FUBP1: variants seen among roughly 807,000 people sequenced by gnomAD.
FUBP1 encodes far upstream element-binding protein 1.
In FUBP1, 16 loss-of-function variants were observed where a neutral mutation model predicts 94.9. The observed-to-expected ratio is 0.17, with a 90% CI of 0.11 to 0.26. The LOEUF (loss-of-function observed/expected upper bound fraction) is 0.26. Among genes scored for constraint, FUBP1 ranks in the 10% least tolerant of loss-of-function variants. The pLI, the probability that FUBP1 is intolerant of heterozygous loss-of-function variation, is 1.00. For missense variants in FUBP1, 583 were observed against 808.6 expected (o/e 0.72, Z 3.38); for synonymous variants, 279 against 254.9 (o/e 1.09, Z -0.90).
rs1350399541 is a variant in FUBP1, at chr1:77,948,364, T to C, written c.*402A>G. On this transcript the variant is annotated 3_prime_UTR_variant, in exon 20 of 20. Coordinates refer to ENST00000370768, the MANE Select transcript of FUBP1 (RefSeq NM_003902.5). ...TTAATTTATCATTGCTAAGAAATTA[T>C]GAATCCTTTAAATACCCACATATCC... is the stretch of plus-strand genomic sequence containing the variant. 8 of 1,057,898 alleles carry C rather than the reference T, an allele frequency of 7.6e-6. No individual in the cohort carries two copies. Among genetic ancestry groups the C allele is most frequent in the Non-Finnish European group, 8.0e-6 (7 of 870,612 alleles). The allele number at this position is 1,057,898 out of a possible 1,614,324, so 65.5% of individuals were successfully genotyped here. A position where few individuals can be genotyped will look rare whatever the true frequency, so the allele number is the denominator to read the frequency against.
rs1571204636 is a variant in FUBP1 at position 77,947,915 on chromosome 1, T to C, written c.*851A>G. Reference sequence around the variant, plus strand: ...AAGAAACACACTAACATTATATACATTGAAAGAGTTGCTTCACATGGAAAA... The same window carrying C: ...AAGAAACACACTAACATTATATACACTGAAAGAGTTGCTTCACATGGAAAA... On this transcript the variant is annotated 3_prime_UTR_variant, in exon 20 of 20. Coordinates refer to ENST00000370768, the MANE Select transcript of FUBP1 (RefSeq NM_003902.5). 2.0e-6 allele frequency: 2 copies of C among 981,028 alleles called. No homozygotes were observed. The highest frequency in any genetic ancestry group is 4.0e-5 in the South Asian group (1 of 24,976). 60.8% of individuals were successfully genotyped at this position (981,028 alleles called of 1,614,324 possible).
intron 16 of FUBP1, among the ~76,000 whole-genome samples, chr1:77,957,433 C>T (rs1332615868): frequency 1.3e-5 from 2 of 152,156 alleles, no homozygotes; most frequent in African/African-American, 2.4e-5. Context: ...TCACTATGCC[C>T]GTGTCTCGGC....
chr1:77,961,591 G>A (rs1655491042), intron 14 of FUBP1, among the ~76,000 whole-genome samples: 1 of 152,294 alleles, frequency 6.6e-6, no homozygotes, highest in Non-Finnish European at 1.5e-5. Context: ...AGAAAAGCCT[G>A]AGTAACTTCT....
Position 77,978,876 on chromosome 1 carries a change from C to T in FUBP1, c.120+9G>A, listed in dbSNP as rs2102561554. On this transcript the variant is annotated intron_variant, in intron 1 of 19. Transcript: ENST00000370768. Reference sequence around the variant, plus strand: ...GCTTTCGGGATTCCGCCGCGCGGTCCACACTTACCTGCCGGGCTCTCTGCA... The same window carrying T: ...GCTTTCGGGATTCCGCCGCGCGGTCTACACTTACCTGCCGGGCTCTCTGCA... The T allele has an allele frequency of 6.2e-7, 1 of 1,613,480 alleles. No individual in the cohort carries two copies. The highest frequency in any genetic ancestry group is 1.1e-5 in the South Asian group (1 of 91,014).
chr1:77,967,415 G>A (rs1448244375), intron 4 of FUBP1, among the ~76,000 whole-genome samples: 4 of 152,172 alleles, frequency 2.6e-5, no homozygotes, highest in Non-Finnish European at 4.4e-5. Context: ...CTTCTAAAAT[G>A]TGGTTAATTC....
At chr1:77,967,606 T>C (rs1292043576) in intron 4 of FUBP1, 21 bp downstream of exon 4, 3 of 1,577,982 alleles carry the variant, frequency 1.9e-6, no homozygotes, top group African/African-American at 2.7e-5. Flanking sequence ...AGAGTACTTT[T>C]TGAAAATCTT....
intron 18 of FUBP1, among the ~76,000 whole-genome samples, chr1:77,953,917 T>C (rs1241049248): frequency 6.6e-6 from 1 of 152,178 alleles, no homozygotes; most frequent in African/African-American, 2.4e-5. Flanking sequence ...AGCCTTTATT[T>C]TTACCTACTT....
In FUBP1 at chr1:77,964,373, T is replaced by A; in HGVS notation, c.838-17A>T. 1 of 1,434,882 alleles carries A rather than the reference T, an allele frequency of 7.0e-7. No individual in the cohort carries two copies. Among genetic ancestry groups the A allele is most frequent in the Non-Finnish European group, 9.7e-7 (1 of 1,028,672 alleles). 88.9% of individuals were successfully genotyped at this position (1,434,882 alleles called of 1,614,324 possible). On this transcript the variant is annotated splice_polypyrimidine_tract_variant and intron_variant, in intron 10 of 19. Transcript: ENST00000370768. Reference sequence around the variant, plus strand: ...AATGGGGACCTTATGTAAAAAAGACTAAGTATTAAGAAAGCTAGCTTCTCA... The same window carrying A: ...AATGGGGACCTTATGTAAAAAAGACAAAGTATTAAGAAAGCTAGCTTCTCA...
Position 77,944,214 on chromosome 1 carries a change from T to A in FUBP1, c.*4552A>T. 1 of 201,458 alleles carries A rather than the reference T, an allele frequency of 5.0e-6. No homozygotes were observed. Among genetic ancestry groups the A allele is most frequent in the East Asian group, 7.6e-5 (1 of 13,198 alleles). 12.5% of individuals were successfully genotyped at this position (201,458 alleles called of 1,614,324 possible). A position where few individuals can be genotyped will look rare whatever the true frequency, so the allele number is the denominator to read the frequency against. On this transcript the variant is annotated 3_prime_UTR_variant, in exon 20 of 20. Coordinates refer to ENST00000370768, the MANE Select transcript of FUBP1 (RefSeq NM_003902.5). ...TCCAAGCTGCATCTCCCTAAGACAC[T>A]GTTCCCATCACAGTAGCCATTTTAA... is the stretch of plus-strand genomic sequence containing the variant.
rs372038051 is a variant in FUBP1 at position 77,956,590 on chromosome 1, T to C, written c.1687A>G (p.Thr563Ala). The C allele has an allele frequency of 6.2e-7, 1 of 1,612,832 alleles. No individual in the cohort carries two copies. Among genetic ancestry groups the C allele is most frequent in the African/African-American group, 1.3e-5 (1 of 74,874 alleles). The stretch of plus-strand genomic sequence containing the variant: ...TAGTTACCTTGTCCATTAGTTTGAG[T>C]TGTAGTTGGTGCACCTGCAGGGGCT... Reference protein sequence around the residue: ...PAAPAGAPTTTQTNGQGDQQN... With the variant: ...PAAPAGAPTTAQTNGQGDQQN... The change falls in exon 17 of 20, where the codon ACT (threonine) becomes GCT (alanine). Residue 563 changes from threonine (T) to alanine (A), a missense_variant. Thr to Ala is a moderately conservative substitution (Grantham distance 58). Coordinates refer to ENST00000370768, the MANE Select transcript of FUBP1 (RefSeq NM_003902.5).
intron 1 of FUBP1, among the ~76,000 whole-genome samples, chr1:77,972,640 T>A (rs1219277613): frequency 6.7e-6 from 1 of 149,014 alleles, no homozygotes; most frequent in African/African-American, 2.5e-5. Context: ...TGCGCACCTG[T>A]AATTCCAGCT....
intron 14 of FUBP1, among the ~76,000 whole-genome samples, chr1:77,961,593 G>A (rs1655492027): frequency 6.6e-6 from 1 of 152,126 alleles, no homozygotes; most frequent in Non-Finnish European, 1.5e-5. Context: ...AAAAGCCTGA[G>A]TAACTTCTCC....
chr1:77,948,729 C>T lies in FUBP1; in HGVS notation c.*37G>A. 1 of 1,593,940 alleles carries T rather than the reference C, an allele frequency of 6.3e-7. No individual in the cohort carries two copies. Among genetic ancestry groups the T allele is most frequent in the Non-Finnish European group, 8.5e-7 (1 of 1,173,172 alleles). On this transcript the variant is annotated 3_prime_UTR_variant, in exon 20 of 20. Transcript: ENST00000370768. The stretch of plus-strand genomic sequence containing the variant: ...ATATTTAACAAAGGTTTTTTTCCCC[C>T]ACACAATGAAGCAAATACTGTATTG...
chr1:77,954,631 T>C (rs927788186), intron 18 of FUBP1, among the ~76,000 whole-genome samples: 11 of 152,190 alleles, frequency 7.2e-5, no homozygotes, highest in Admixed American at 3.3e-4. Flanking sequence ...CTACCACCTA[T>C]AGGTTCTTTT....
intron 1 of FUBP1, among the ~76,000 whole-genome samples, chr1:77,974,482 T>G (rs1557478496): frequency 6.6e-6 from 1 of 152,068 alleles, no homozygotes; most frequent in African/African-American, 2.4e-5. Flanking sequence ...TTGCCTAGGG[T>G]GGTCTCAGAC....
Position 77,963,586 on chromosome 1 carries a change from T to C in FUBP1, c.1171A>G (p.Ile391Val). ...FIVPTGKTGL[I>V]IGKGGETIKS... ...TAAAATACATTGCCTTTTCCTATTA[T>C]TAATCCAGTTTTCCCAGTTGGCACA... Residue 391 changes from isoleucine to valine, a missense_variant, in exon 13 of 20, where the codon ATA (isoleucine) becomes GTA (valine). Ile to Val is a conservative substitution (Grantham distance 29). Coordinates refer to ENST00000370768, the MANE Select transcript of FUBP1 (RefSeq NM_003902.5). 1 of 1,577,962 alleles carries C rather than the reference T, an allele frequency of 6.3e-7. No homozygotes were observed. Among genetic ancestry groups the C allele is most frequent in the South Asian group, 1.1e-5 (1 of 90,104 alleles).
chr1:77,959,273 T>G (rs1655018889), intron 16 of FUBP1, among the ~76,000 whole-genome samples: 1 of 152,152 alleles, frequency 6.6e-6, no homozygotes, highest in African/African-American at 2.4e-5. Context: ...TTTCAAAGAA[T>G]GACTCTTTGA....
intron 18 of FUBP1, among the ~76,000 whole-genome samples, 196 bp from the exon 19 acceptor site, chr1:77,949,496 G>A (rs992194940): frequency 1.3e-5 from 2 of 149,486 alleles, no homozygotes; most frequent in Non-Finnish European, 3.0e-5. Context: ...CAGGTTATAA[G>A]ACAAAAGCAC....
intron 17 of FUBP1, 159 bp from the exon 18 acceptor site, chr1:77,955,488 T>C: frequency 1.7e-6 from 1 of 593,456 alleles, no homozygotes; most frequent in East Asian, 2.9e-5. Context: ...GTGCCAAAGA[T>C]AGAAGGTACT....
Sources: gnomAD v4.1 joint callset for allele counts (sites outside exome capture counted in the v4.1 genomes callset) on GRCh38, gnomAD v4.1.1 for gene constraint, MANE v1.5 for transcripts, NCBI Gene and HGNC (gene_info 2026-07-23, HGNC 2026-07-21) for gene names.